Variants in PXDNL observed in about 807,000 individuals in gnomAD.
PXDNL encodes the protein probable oxidoreductase PXDNL.
PXDNL carries 145 observed loss-of-function variants against 150.8 expected under a neutral mutation model. The observed-to-expected ratio is 0.96, with a 90% CI of 0.84 to 1.10. The LOEUF is 1.10. PXDNL is among the 50% of genes least tolerant of loss of function. The pLI, the probability that PXDNL is intolerant of heterozygous loss-of-function variation, is 0.00. For missense variants in PXDNL, 2,087 were observed against 1,873.9 expected (o/e 1.11, Z -2.10); for synonymous variants, 757 against 725.7 (o/e 1.04, Z -0.69).
rs758383344 is a variant in PXDNL, at chr8:51,447,092, T to G, written c.1437A>C (p.Ala479=). 2.5e-6 allele frequency: 4 copies of G among 1,613,908 alleles called. No homozygotes were observed. In the South Asian group the frequency reaches 4.4e-5, roughly 18 times the overall value. Reference sequence around the variant, plus strand: ...ATTCATATTGGCCTTGATCGTGCTGTGCTGCACGGTCAATTCTCAAAGTGC... The same window carrying G: ...ATTCATATTGGCCTTGATCGTGCTGGGCTGCACGGTCAATTCTCAAAGTGC... ...SSGTLRIDRA[A]QHDQGQYECQ... is the part of the protein sequence containing the mutation. Residue 479 remains alanine (A), a synonymous_variant, in exon 12 of 23, where the codon GCA becomes GCC. Transcript: ENST00000356297.
At chr8:51,378,247 C>G in intron 17 of PXDNL, among the ~76,000 whole-genome samples, 1 of 151,456 alleles carries the variant, frequency 6.6e-6, no homozygotes, top group Non-Finnish European at 1.5e-5. Context: ...CTTGGAGAAC[C>G]TTTATGTCTA....
chr8:51,583,896 A>C (rs1813265238), intron 3 of PXDNL, among the ~76,000 whole-genome samples: 1 of 152,196 alleles, frequency 6.6e-6, no homozygotes, highest in African/African-American at 2.4e-5. Flanking sequence ...ACGAAGAGAA[A>C]ATAGTTGCCA....
intron 1 of PXDNL, among the ~76,000 whole-genome samples, chr8:51,678,927 T>C (rs1050191679): frequency 2.6e-5 from 4 of 152,212 alleles, no homozygotes; most frequent in African/African-American, 9.7e-5. Context: ...CCAAACTCAA[T>C]CTATCAGCAT....
chr8:51,338,626 C>T (rs1234609294), intron 21 of PXDNL, among the ~76,000 whole-genome samples: 1 of 152,260 alleles, frequency 6.6e-6, no homozygotes, highest in African/African-American at 2.4e-5. Flanking sequence ...GCATATACCT[C>T]ACAGTGACAT....
At chr8:51,668,435 A>G (rs751952081) in intron 1 of PXDNL, among the ~76,000 whole-genome samples, 9 of 152,126 alleles carry the variant, frequency 5.9e-5, no homozygotes, top group Admixed American at 2.0e-4. Context: ...TCGGCCTCCC[A>G]AAGTCCTGGG....
chr8:51,769,540 C>T (rs145504910), intron 1 of PXDNL, among the ~76,000 whole-genome samples: 5 of 152,270 alleles, frequency 3.3e-5, no homozygotes, highest in Admixed American at 1.3e-4. Flanking sequence ...ACTATTAGCC[C>T]CAGTTTCTGA....
intron 4 of PXDNL, among the ~76,000 whole-genome samples, chr8:51,542,242 A>T (rs762916189): frequency 5.9e-5 from 9 of 152,166 alleles, no homozygotes; most frequent in Admixed American, 6.5e-5. Flanking sequence ...ATCTAACAGA[A>T]CACAACCTCA....
chr8:51,764,466 T>A (rs1202020803), intron 1 of PXDNL, among the ~76,000 whole-genome samples: 1 of 151,856 alleles, frequency 6.6e-6, no homozygotes, highest in South Asian at 2.1e-4. Flanking sequence ...TCTCTGGCCA[T>A]GACTGCAGCT....
Position 51,426,645 on chromosome 8 carries a change from C to A in PXDNL, c.1638+1G>T, listed in dbSNP as rs762178985. On this transcript the variant is annotated splice_donor_variant, in intron 13 of 22. Coordinates refer to ENST00000356297, the MANE Select transcript of PXDNL (RefSeq NM_144651.5). LOFTEE classifies it high-confidence loss of function. ...TACTGTACTTTTAGTTGAGATCTTA[C>A]CTTATTCCAAGTAATTATGGGCTGT... 32 of 1,539,682 alleles carry A rather than the reference C, an allele frequency of 2.1e-5. No homozygotes were observed. In the South Asian group the frequency reaches 3.5e-4, roughly 17 times the overall value.
intron 4 of PXDNL, among the ~76,000 whole-genome samples, chr8:51,538,724 C>CCAG (rs1370120171): frequency 6.6e-6 from 1 of 152,066 alleles, no homozygotes; most frequent in East Asian, 1.9e-4. Context: ...CGAGATCGTG[C>CCAG]CAGTACACTA....
At position 51,449,047 on chromosome 8, in the gene PXDNL, C is replaced by T. The variant is rs1420201868; in HGVS notation, c.1321G>A (p.Glu441Lys). 3.2e-6 allele frequency: 5 copies of T among 1,552,868 alleles called. No individual in the cohort carries two copies. The African/African-American group carries it at 5.5e-5, about 17-fold the overall frequency. Reference sequence around the variant, plus strand: ...ACAGGAGGTGGGTTGCCGTCAGCTTCACAGAGCCACTCTACAGCATGTTCT... The same window carrying T: ...ACAGGAGGTGGGTTGCCGTCAGCTTTACAGAGCCACTCTACAGCATGTTCT... ...LEEHAVEWLC[E>K]ADGNPPPVIV... Residue 441 changes from glutamate to lysine, a missense_variant, in exon 11 of 23, where the codon GAA becomes AAA. By Grantham distance (56) the Glu-to-Lys change is moderately conservative. Coordinates refer to ENST00000356297, the MANE Select transcript of PXDNL (RefSeq NM_144651.5).
At chr8:51,328,389 A>T (rs905168186) in intron 21 of PXDNL, among the ~76,000 whole-genome samples, 3 of 152,232 alleles carry the variant, frequency 2.0e-5, no homozygotes, top group African/African-American at 4.8e-5. Context: ...TGTTCCAGTC[A>T]GGCCCTGAAC....
At chr8:51,765,193 CAT>C (rs964893148) in intron 1 of PXDNL, among the ~76,000 whole-genome samples, 7 of 152,126 alleles carry the variant, frequency 4.6e-5, no homozygotes, top group Admixed American at 3.3e-4. Flanking sequence ...ATAATTCCCA[CAT>C]GTTGTGGGAG....
intron 22 of PXDNL, 55 bp downstream of exon 22, chr8:51,320,729 A>G (rs1186420315): frequency 2.4e-6 from 3 of 1,240,888 alleles, no homozygotes; most frequent in South Asian, 1.2e-5. Flanking sequence ...GTATGCTTCA[A>G]CTGGCTGGCT....
At chr8:51,381,292 G>A (rs551365271) in intron 17 of PXDNL, among the ~76,000 whole-genome samples, 5 of 152,122 alleles carry the variant, frequency 3.3e-5, no homozygotes, top group Admixed American at 6.5e-5. Context: ...TCCCACTTAG[G>A]TCTTCTAGAG....
chr8:51,591,176 T>A (rs1006385023), intron 3 of PXDNL, among the ~76,000 whole-genome samples: 1 of 152,202 alleles, frequency 6.6e-6, no homozygotes, highest in African/African-American at 2.4e-5. Context: ...TACAACCCCT[T>A]GATCTTGGAC....
intron 2 of PXDNL, among the ~76,000 whole-genome samples, chr8:51,619,209 A>AC (rs1227877561): frequency 6.6e-6 from 1 of 152,192 alleles, no homozygotes; most frequent in Non-Finnish European, 1.5e-5. Flanking sequence ...GGATGTAGAA[A>AC]CCAGAAGGCC....
intron 8 of PXDNL, among the ~76,000 whole-genome samples, chr8:51,466,343 A>G (rs756664031): frequency 2.8e-4 from 43 of 152,210 alleles, no homozygotes; most frequent in Non-Finnish European, 5.4e-4. Flanking sequence ...CTGGCTATCC[A>G]TATGCAGAAA....
chr8:51,472,385 A>G lies in PXDNL; in HGVS notation c.695-81T>C, dbSNP rs112810368. The G allele has an allele frequency of 2.2e-3, 2,128 of 988,252 alleles. 26 individuals carry two copies. The African/African-American group carries it at 0.031, about 14-fold the overall frequency. The allele number at this position is 988,252 out of a possible 1,614,324, so 61.2% of individuals were successfully genotyped here. On this transcript the variant is annotated intron_variant, in intron 7 of 22. Transcript: ENST00000356297. Reference sequence around the variant, plus strand: ...AAGATGCTGAGAAAGAGATATAGGCAATTTAAATTTATTTCTACATTAAAG... The same window carrying G: ...AAGATGCTGAGAAAGAGATATAGGCGATTTAAATTTATTTCTACATTAAAG...
Sources: gnomAD v4.1 joint callset for allele counts (sites outside exome capture counted in the v4.1 genomes callset) on GRCh38, gnomAD v4.1.1 for gene constraint, MANE v1.5 for transcripts, NCBI Gene and HGNC (gene_info 2026-07-23, HGNC 2026-07-21) for gene names.